UGT2A3: variants seen among roughly 807,000 people sequenced by gnomAD.
The protein encoded by UGT2A3 is UDP glucuronosyltransferase family 2 member A3.
UGT2A3 carries 55 observed loss-of-function variants against 44.1 expected under a neutral mutation model. The ratio of observed to expected loss-of-function variants is 1.25; its 90% CI spans 1.00 to 1.56. The LOEUF is 1.56. Among genes scored for constraint, UGT2A3 ranks in the 40% most tolerant of loss-of-function variants. The pLI is 0.00. For missense variants in UGT2A3, 733 were observed against 621.6 expected (o/e 1.18, Z -1.91); for synonymous variants, 243 against 215.1 (o/e 1.13, Z -1.13).
intron 2 of UGT2A3, among the ~76,000 whole-genome samples, chr4:68,935,134 T>G (rs546501494): frequency 6.6e-6 from 1 of 151,160 alleles, no homozygotes; most frequent in South Asian, 2.1e-4. Context: ...CAACAAAATT[T>G]AAAGAATAAT....
chr4:68,949,419 T>C (rs1718499307), intron 1 of UGT2A3, among the ~76,000 whole-genome samples: 1 of 151,812 alleles, frequency 6.6e-6, no homozygotes, highest in South Asian at 2.1e-4. Context: ...TATAATTAAG[T>C]TTGCTGTCTT....
At chr4:68,942,039 A>G (rs1171795634) in intron 2 of UGT2A3, among the ~76,000 whole-genome samples, 2 of 151,824 alleles carry the variant, frequency 1.3e-5, no homozygotes, top group Non-Finnish European at 2.9e-5. Flanking sequence ...GGGAAATGCA[A>G]ATTAGTACAA....
chr4:68,942,504 G>GAGATATATATATATAT (rs1553902064), intron 2 of UGT2A3, among the ~76,000 whole-genome samples: 1 of 131,028 alleles, frequency 7.6e-6, no homozygotes, highest in Admixed American at 8.5e-5. Context: ...TTCCACTGGA[G>GAGATATATATATATAT]ATATATATAT....
chr4:68,947,081 G>T (rs1032259596), intron 1 of UGT2A3, among the ~76,000 whole-genome samples: 2 of 151,630 alleles, frequency 1.3e-5, no homozygotes, highest in African/African-American at 4.8e-5. Context: ...AACAAAGATT[G>T]TTGCATGAAT....
intron 2 of UGT2A3, among the ~76,000 whole-genome samples, chr4:68,942,675 A>G (rs1222540583): frequency 7.3e-5 from 11 of 151,252 alleles, no homozygotes; most frequent in African/African-American, 2.7e-4. Context: ...CAGAGATAGC[A>G]TGGTATCCCT....
chr4:68,945,559 T>C (rs1718356039), intron 1 of UGT2A3, 105 bp from the exon 2 acceptor site: 2 of 794,746 alleles, frequency 2.5e-6, no homozygotes, highest in Non-Finnish European at 1.9e-6. Context: ...TTAAGTCCTC[T>C]AGAACAACAT....
chr4:68,944,464 TA>T (rs1718308879), intron 2 of UGT2A3, among the ~76,000 whole-genome samples: 1 of 151,864 alleles, frequency 6.6e-6, no homozygotes, highest in South Asian at 2.1e-4. Context: ...TAAAAAACTA[TA>T]ACAACTATTA....
intron 4 of UGT2A3, 31 bp from the exon 5 acceptor site, chr4:68,930,796 G>A (rs2109775603): frequency 6.6e-7 from 1 of 1,505,334 alleles, no homozygotes; most frequent in East Asian, 2.3e-5. Context: ...GAAATGGTGA[G>A]ATATTTTATT....
At chr4:68,946,999 G>T (rs1294111984) in intron 1 of UGT2A3, among the ~76,000 whole-genome samples, 2 of 151,572 alleles carry the variant, frequency 1.3e-5, no homozygotes, top group South Asian at 2.1e-4. Context: ...TATTTTTTCT[G>T]GTGTAGGGTC....
chr4:68,939,918 A>T (rs1367536530), intron 2 of UGT2A3, among the ~76,000 whole-genome samples: 1 of 152,200 alleles, frequency 6.6e-6, no homozygotes, highest in East Asian at 1.9e-4. Context: ...AAAAGAAGAC[A>T]TTTATGCAGC....
At chr4:68,943,560 T>C (rs1417299648) in intron 2 of UGT2A3, among the ~76,000 whole-genome samples, 2 of 151,768 alleles carry the variant, frequency 1.3e-5, no homozygotes, top group African/African-American at 4.8e-5. Context: ...TAGTAATAGG[T>C]AAACCCAGTA....
At chr4:68,932,286 T>A (rs548034686) in intron 3 of UGT2A3, among the ~76,000 whole-genome samples, 15 of 152,024 alleles carry the variant, frequency 9.9e-5, no homozygotes, top group African/African-American at 3.1e-4. Flanking sequence ...CTTTTTTTTT[T>A]TATATCAGTT....
intron 2 of UGT2A3, among the ~76,000 whole-genome samples, chr4:68,936,984 T>C (rs1309178192): frequency 6.7e-6 from 1 of 149,954 alleles, no homozygotes; most frequent in African/African-American, 2.5e-5. Flanking sequence ...AAGAAGGTCA[T>C]TACATAATGG....
chr4:68,937,789 G>A (rs1441380656), intron 2 of UGT2A3, among the ~76,000 whole-genome samples: 1 of 151,882 alleles, frequency 6.6e-6, no homozygotes, highest in African/African-American at 2.4e-5. Context: ...TGTTTGAAAA[G>A]ATCAACAAAA....
rs202059672 is a variant in UGT2A3 at position 68,951,188 on chromosome 4, A to G, written c.573T>C (p.Tyr191=). Residue 191 remains tyrosine (Y), a synonymous_variant, in exon 1 of 6, where the codon TAT becomes TAC. Transcript: ENST00000251566. ...TTAGTCCTGTCATAGGCACAGGTAC[A>G]TAGGAAAGTGGAGCTGGAAGTTTCC... The part of the protein sequence containing the change: ...SCGKLPAPLS[Y]VPVPMTGLTD... The G allele has an allele frequency of 4.3e-6, 7 of 1,612,148 alleles. No homozygotes were observed. The highest frequency in any genetic ancestry group is 1.7e-5 in the Admixed American group (1 of 59,760).
chr4:68,929,624 A>G lies in UGT2A3; in HGVS notation c.*189T>C. On this transcript the variant is annotated 3_prime_UTR_variant, in exon 6 of 6. Coordinates refer to ENST00000251566, the MANE Select transcript of UGT2A3 (RefSeq NM_024743.4). ...TGTCACAAAGTGAGAGAAGAGAGTA[A>G]AGACACCTAGGAAAATACAACGAAA... The G allele has an allele frequency of 1.9e-6, 1 of 523,812 alleles. No individual in the cohort carries two copies. The highest frequency in any genetic ancestry group is 3.3e-6 in the Non-Finnish European group (1 of 300,268). The allele number at this position is 523,812 out of a possible 1,614,324, so 32.4% of individuals were successfully genotyped here.
At position 68,931,191 on chromosome 4, in the gene UGT2A3, G is replaced by T; in HGVS notation, c.1048C>A (p.Arg350=). ...KKPSTLGANT[R]LYDWIPQNDL... ...TTCTGGGGTATCCAATCATACAGCCGAGTATTGGCTCCTAATGTGGATGGT... is the reference window on the plus strand; with the variant it reads ...TTCTGGGGTATCCAATCATACAGCCTAGTATTGGCTCCTAATGTGGATGGT... The change falls in exon 4 of 6, where the codon CGG becomes AGG. Residue 350 remains arginine, a synonymous_variant. Coordinates refer to ENST00000251566, the MANE Select transcript of UGT2A3 (RefSeq NM_024743.4). The T allele has an allele frequency of 6.2e-7, 1 of 1,612,914 alleles. No individual in the cohort carries two copies. The highest frequency in any genetic ancestry group is 8.5e-7 in the Non-Finnish European group (1 of 1,179,354).
chr4:68,951,571 T>C lies in UGT2A3; in HGVS notation c.190A>G (p.Ile64Val). 1.2e-6 allele frequency: 2 copies of C among 1,613,088 alleles called. No homozygotes were observed. Among genetic ancestry groups the C allele is most frequent in the Non-Finnish European group, 1.7e-6 (2 of 1,179,466 alleles). ...AATGCAGAAGGCTTCCTGTAGTCAA[T>C]TAACGAAGGCTTTGAGTGAGTCAAT... ...TVLTHSKPSL[I>V]DYRKPSALKF... The change falls in exon 1 of 6, where the codon ATT (isoleucine) becomes GTT (valine). Residue 64 changes from isoleucine (I) to valine (V), a missense_variant. Transcript: ENST00000251566.
At chr4:68,938,409 A>G (rs1024343841) in intron 2 of UGT2A3, among the ~76,000 whole-genome samples, 1 of 152,112 alleles carries the variant, frequency 6.6e-6, no homozygotes. Context: ...ACATCCACAA[A>G]TCAATAAATG....
Sources: allele counts gnomAD v4.1 joint callset (sites outside exome capture counted in the v4.1 genomes callset), GRCh38; gene constraint gnomAD v4.1.1; transcripts MANE v1.5; gene names NCBI Gene and HGNC (gene_info 2026-07-23, HGNC 2026-07-21).